The following DCC variants were observed in gnomAD, a reference collection of about 807,000 sequenced individuals.
DCC encodes netrin receptor DCC.
A neutral mutation model predicts 172.5 loss-of-function variants in DCC; 58 were observed. That is an observed-to-expected ratio of 0.34 (90% CI 0.27 to 0.42). The LOEUF (loss-of-function observed/expected upper bound fraction) is 0.42, where lower values mean the gene tolerates loss of function less well. DCC is among the 10% of genes least tolerant of loss of function. The probability of loss-of-function intolerance (pLI) is 1.00; values close to 1 mark genes in which losing one functional copy is unlikely to be tolerated. For synonymous variants in DCC, 709 were observed against 644.5 expected (o/e 1.10, Z -1.52); for missense variants, 1,740 against 1,791.0 (o/e 0.97, Z 0.51).
chr18:53,450,610 G>C lies in DCC; in HGVS notation c.3340G>C (p.Val1114Leu), dbSNP rs1401945202. 6.2e-7 allele frequency: 1 copy of C among 1,610,622 alleles called. No homozygotes were observed. The highest frequency in any genetic ancestry group is 2.2e-5 in the East Asian group (1 of 44,626). Reference sequence around the variant, plus strand: ...CGTTGGTGTCATCACAGTGCTGGTAGTGGTCATCGTGGCTGTGATTTGCAC... The same window carrying C: ...CGTTGGTGTCATCACAGTGCTGGTACTGGTCATCGTGGCTGTGATTTGCAC... ...VTVGVITVLVVVIVAVICTRR... is the reference protein window; with the variant it reads ...VTVGVITVLVLVIVAVICTRR... Residue 1114 changes from valine to leucine, a missense_variant, in exon 23 of 29, where the codon GTG becomes CTG. This residue lies in a region of DCC where 1,732 missense variants were observed against 1,767.4 expected (regional missense o/e 0.98). Coordinates refer to ENST00000442544, the MANE Select transcript of DCC (RefSeq NM_005215.4).
At chr18:53,510,896 TTGTC>T (rs1411646664) in intron 27 of DCC, among the ~76,000 whole-genome samples, 1 of 152,212 alleles carries the variant, frequency 6.6e-6, no homozygotes, top group East Asian at 1.9e-4. Context: ...TCCTCTAAGA[TTGTC>T]TGGCCTGTTC....
At chr18:53,513,088 G>C (rs2046279437) in intron 27 of DCC, among the ~76,000 whole-genome samples, 1 of 152,218 alleles carries the variant, frequency 6.6e-6, no homozygotes, top group African/African-American at 2.4e-5. Context: ...TCAAAGGGAA[G>C]CCCATCGGAC....
At chr18:52,734,641 T>C (rs17468382) in intron 1 of DCC, among the ~76,000 whole-genome samples, 5,537 of 152,206 alleles carry the variant, frequency 0.036, 134 homozygotes, top group Admixed American at 0.049. Flanking sequence ...CAATCCAAGC[T>C]TTAGACCCAG....
intron 9 of DCC, among the ~76,000 whole-genome samples, chr18:53,194,065 T>G (rs1598893739): frequency 6.6e-6 from 1 of 152,280 alleles, no homozygotes; most frequent in East Asian, 1.9e-4. Context: ...GGTTGCTGGG[T>G]TTAGTCACAT....
intron 1 of DCC, among the ~76,000 whole-genome samples, chr18:52,466,988 G>C (rs1198035678): frequency 6.6e-6 from 1 of 151,866 alleles, no homozygotes; most frequent in East Asian, 1.9e-4. Context: ...CTGAGTTTGA[G>C]CCCATGTTCC....
At chr18:52,535,332 C>A (rs551732087) in intron 1 of DCC, among the ~76,000 whole-genome samples, 1 of 152,182 alleles carries the variant, frequency 6.6e-6, no homozygotes, top group Non-Finnish European at 1.5e-5. Context: ...ACTTGGATTT[C>A]ACCCTTTTGG....
chr18:53,376,403 T>C (rs62098046), intron 15 of DCC, among the ~76,000 whole-genome samples: 45,202 of 151,970 alleles, frequency 0.3, 8,623 homozygotes, highest in Non-Finnish European at 0.44. Context: ...TAAATAAATA[T>C]TTAAAAATAA....
chr18:53,219,584 T>A (rs1026712577), intron 12 of DCC, among the ~76,000 whole-genome samples: 1 of 152,162 alleles, frequency 6.6e-6, no homozygotes, highest in Non-Finnish European at 1.5e-5. Flanking sequence ...ATCCTTATTC[T>A]TGAACACCAG....
In DCC at chr18:53,531,165, C is replaced by A. The variant is rs1259702531; in HGVS notation, c.*512C>A. ...ACCAAAGGATTGGATGTTTTCCTTA[C>A]AGCACAAAAAGTAAATAGTAAACAA... On this transcript the variant is annotated 3_prime_UTR_variant, in exon 29 of 29. Coordinates refer to ENST00000442544, the MANE Select transcript of DCC (RefSeq NM_005215.4). 1 of 176,718 alleles carries A rather than the reference C, an allele frequency of 5.7e-6. No homozygotes were observed. The highest frequency in any genetic ancestry group is 5.4e-5 in the Admixed American group (1 of 18,612). The allele number at this position is 176,718 out of a possible 1,614,324, so 10.9% of individuals were successfully genotyped here.
At chr18:52,973,049 A>G (rs56888517) in intron 5 of DCC, among the ~76,000 whole-genome samples, 13,560 of 152,172 alleles carry the variant, frequency 0.089, 1,166 homozygotes, top group African/African-American at 0.21. Context: ...AGACCACTTA[A>G]CCAGTGTTTT....
intron 2 of DCC, among the ~76,000 whole-genome samples, chr18:52,795,073 A>G (rs1483222487): frequency 6.6e-6 from 1 of 151,898 alleles, no homozygotes; most frequent in African/African-American, 2.4e-5. Flanking sequence ...ATCAGAAAAA[A>G]TGGCCTGTAG....
chr18:52,470,133 G>T (rs986922096), intron 1 of DCC, among the ~76,000 whole-genome samples: 9 of 152,260 alleles, frequency 5.9e-5, no homozygotes, highest in African/African-American at 2.2e-4. Context: ...ATAAAATGCC[G>T]GAAATAGATG....
chr18:52,773,729 A>T (rs909922586), intron 2 of DCC, among the ~76,000 whole-genome samples: 1 of 152,154 alleles, frequency 6.6e-6, no homozygotes, highest in African/African-American at 2.4e-5. Flanking sequence ...GGGTTTCGCC[A>T]TGATGGCCAG....
At chr18:53,483,293 C>T (rs1283517155) in intron 25 of DCC, among the ~76,000 whole-genome samples, 1 of 151,724 alleles carries the variant, frequency 6.6e-6, no homozygotes, top group Non-Finnish European at 1.5e-5. Flanking sequence ...GTGCTTTGTA[C>T]TAATTACTCT....
chr18:52,487,481 T>A (rs1462806074), intron 1 of DCC, among the ~76,000 whole-genome samples: 2 of 152,080 alleles, frequency 1.3e-5, no homozygotes, highest in Non-Finnish European at 2.9e-5. Context: ...AAACTTGAAA[T>A]AACGAAAAGC....
In DCC at chr18:52,804,774, G is replaced by T. The variant is rs199824701; in HGVS notation, c.412+52400G>T. ...AATTTTTGTATTTTTAGTAGAGACG[G>T]GGTTTCACCATGTTGGCCAGGATGA... On this transcript the variant is annotated intron_variant, in intron 2 of 28. Transcript: ENST00000442544. Among the ~76,000 whole-genome samples the T allele has an allele frequency of 4.6e-5, 7 of 152,184 alleles. No homozygotes were observed. In the East Asian group the frequency reaches 1.4e-3, roughly 30 times the overall value.
intron 12 of DCC, among the ~76,000 whole-genome samples, chr18:53,233,685 A>T (rs1051242892): frequency 2.0e-5 from 3 of 152,248 alleles, no homozygotes; most frequent in African/African-American, 7.2e-5. Flanking sequence ...ATAATTCACC[A>T]AGCATGTGAA....
At chr18:52,748,648 A>G (rs1376326377) in intron 1 of DCC, among the ~76,000 whole-genome samples, 2 of 152,210 alleles carry the variant, frequency 1.3e-5, no homozygotes, top group African/African-American at 2.4e-5. Context: ...ACAGTGTTAC[A>G]GCTCCTTTTG....
chr18:52,704,552 T>A (rs1280114294), intron 1 of DCC, among the ~76,000 whole-genome samples: 2 of 152,222 alleles, frequency 1.3e-5, no homozygotes, highest in Non-Finnish European at 2.9e-5. Context: ...GATTGAAGGC[T>A]TCCACTGAAG....
Sources: gnomAD v4.1 joint callset for allele counts (sites outside exome capture counted in the v4.1 genomes callset) on GRCh38, gnomAD v4.1.1 for gene constraint, gnomAD v4.1.1 regional missense constraint, MANE v1.5 for transcripts, NCBI Gene and HGNC (gene_info 2026-07-23, HGNC 2026-07-21) for gene names.